The following ATP8A1 variants were observed in gnomAD, a reference collection of about 807,000 sequenced individuals.
ATP8A1 encodes the protein ATPase phospholipid transporting 8A1, also known as phospholipid-transporting ATPase IA.
In ATP8A1, 90 loss-of-function variants were observed where a neutral mutation model predicts 177.7. That is an observed-to-expected ratio of 0.51 (90% CI 0.43 to 0.60). The LOEUF is 0.60. ATP8A1 is among the 20% of genes least tolerant of loss of function. ATP8A1 has a pLI of 0.00. For synonymous variants in ATP8A1, 493 were observed against 485.9 expected, an observed-to-expected ratio of 1.01 and a Z score of -0.19; for missense variants, 1,072 against 1,392.8, an observed-to-expected ratio of 0.77 and a Z score of 3.67.
chr4:42,517,042 T>A (rs1725615331), intron 22 of ATP8A1, among the ~76,000 whole-genome samples: 1 of 152,192 alleles, frequency 6.6e-6, no homozygotes, highest in Non-Finnish European at 1.5e-5. Flanking sequence ...GGCTCAGGCC[T>A]GTAATCCCAG....
At chr4:42,541,794 C>T (rs1728416965) in intron 20 of ATP8A1, among the ~76,000 whole-genome samples, 1 of 152,118 alleles carries the variant, frequency 6.6e-6, no homozygotes, top group African/African-American at 2.4e-5. Context: ...ATCATTCTAA[C>T]TATATGACAT....
chr4:42,650,338 G>C (rs112659063), intron 1 of ATP8A1, among the ~76,000 whole-genome samples: 8 of 152,088 alleles, frequency 5.3e-5, no homozygotes, highest in African/African-American at 1.9e-4. Flanking sequence ...TTCTCACACA[G>C]TGCCACTTCA....
chr4:42,420,617 A>G (rs1326073554), intron 35 of ATP8A1, among the ~76,000 whole-genome samples: 2 of 152,204 alleles, frequency 1.3e-5, no homozygotes, highest in African/African-American at 4.8e-5. Flanking sequence ...CAAAAAGACA[A>G]ACTAAGTATC....
Position 42,586,461 on chromosome 4 carries a change from AT to A in ATP8A1, c.609del (p.Ser204GlnfsTer9). On this transcript the variant is annotated frameshift_variant, in exon 9 of 37. Coordinates refer to ENST00000381668, the MANE Select transcript of ATP8A1 (RefSeq NM_006095.2). LOFTEE classifies it high-confidence loss of function. Reference protein sequence around the residue: ...NLKIRQGLPATSDIKDVDSLM... With the variant: ...NLKIRQGLPAXSDIKDVDSLM... ...AAACTGTCAACGTCTTTGATATCTG[AT>A]GTTGCTGGTAAGCCCTGTTTGGAAT... The A allele has an allele frequency of 6.2e-7, 1 of 1,614,040 alleles. No homozygotes were observed. The highest frequency in any genetic ancestry group is 8.5e-7 in the Non-Finnish European group (1 of 1,179,966).
At position 42,550,386 on chromosome 4, in the gene ATP8A1, C is replaced by G. The variant is rs1729385910; in HGVS notation, c.1602+812G>C. Among the ~76,000 whole-genome samples the G allele has an allele frequency of 3.3e-5, 5 of 152,150 alleles. No homozygotes were observed. The South Asian group carries it at 1.0e-3, about 32-fold the overall frequency. Reference sequence around the variant, plus strand: ...TGGTTTGGTTTCTAGTTTTTGGCTACTCTGAATAAAGCTGATAGGAGCATT... The same window carrying G: ...TGGTTTGGTTTCTAGTTTTTGGCTAGTCTGAATAAAGCTGATAGGAGCATT... On this transcript the variant is annotated intron_variant, in intron 18 of 36. Coordinates refer to ENST00000381668, the MANE Select transcript of ATP8A1 (RefSeq NM_006095.2).
At chr4:42,451,878 T>A in intron 30 of ATP8A1, 103 bp downstream of exon 30, 1 of 788,774 alleles carries the variant, frequency 1.3e-6, no homozygotes, top group Non-Finnish European at 1.9e-6. Flanking sequence ...AAGAGAAATA[T>A]CATACAATGA....
intron 25 of ATP8A1, chr4:42,472,271 A>C: frequency 1.8e-6 from 1 of 554,956 alleles, no homozygotes; most frequent in East Asian, 4.7e-5. Flanking sequence ...GTTCATTTGG[A>C]CAAAGCATAG....
rs1712947052 is a variant in ATP8A1, at chr4:42,414,069, TA to T, written c.3397+557del. 4.3e-5 allele frequency among the ~76,000 whole-genome samples: 5 copies of T among 117,326 alleles called. No homozygotes were observed. The South Asian group carries it at 1.2e-3, about 29-fold the overall frequency. The allele number at this position is 117,326 out of a possible 152,430, so 77.0% of individuals were successfully genotyped here. A position where few individuals can be genotyped will look rare whatever the true frequency, so the allele number is the denominator to read the frequency against. The stretch of plus-strand genomic sequence containing the variant: ...CAAAAGCATTAGACATGAGTATACG[TA>T]AGTGAAAATAAATTATAAGTGGAAA... On this transcript the variant is annotated intron_variant, in intron 36 of 36. Transcript: ENST00000381668.
At chr4:42,577,717 A>G (rs73167529) in intron 12 of ATP8A1, among the ~76,000 whole-genome samples, 207 of 152,288 alleles carry the variant, frequency 1.4e-3, no homozygotes, top group African/African-American at 4.8e-3. Context: ...ATGAAGAAAA[A>G]TTCAAGTGAA....
intron 27 of ATP8A1, 143 bp from the exon 28 acceptor site, chr4:42,455,742 GT>G: frequency 1.3e-6 from 1 of 762,336 alleles, no homozygotes; most frequent in Non-Finnish European, 2.1e-6. Context: ...CATTTCTTTG[GT>G]TTACTTTCTG....
intron 13 of ATP8A1, among the ~76,000 whole-genome samples, chr4:42,575,324 A>G (rs567490441): frequency 6.6e-6 from 1 of 152,360 alleles, no homozygotes; most frequent in East Asian, 1.9e-4. Flanking sequence ...GAACAATTCT[A>G]AAACTACGTT....
chr4:42,442,991 T>C (rs554279027), intron 33 of ATP8A1, among the ~76,000 whole-genome samples: 1 of 152,208 alleles, frequency 6.6e-6, no homozygotes, highest in Non-Finnish European at 1.5e-5. Flanking sequence ...CATGAACACC[T>C]AATAACTCAA....
At chr4:42,568,298 T>C (rs1472830950) in intron 15 of ATP8A1, among the ~76,000 whole-genome samples, 1 of 152,226 alleles carries the variant, frequency 6.6e-6, no homozygotes, top group Non-Finnish European at 1.5e-5. Flanking sequence ...AATATTTAAA[T>C]GATGTTATTC....
intron 27 of ATP8A1, among the ~76,000 whole-genome samples, chr4:42,460,078 ACTGCGCCTGGC>A (rs1178866789): frequency 3.3e-5 from 5 of 152,204 alleles, no homozygotes; most frequent in African/African-American, 1.2e-4. Context: ...GGCGTGAGCC[ACTGCGCCTGGC>A]CTGTATTAGG....
intron 24 of ATP8A1, among the ~76,000 whole-genome samples, chr4:42,493,401 T>G (rs1434626007): frequency 6.6e-6 from 1 of 152,136 alleles, no homozygotes; most frequent in Non-Finnish European, 1.5e-5. Context: ...AAACAGGAAA[T>G]AATAAATAGT....
At chr4:42,546,831 C>G (rs1046936144) in intron 19 of ATP8A1, among the ~76,000 whole-genome samples, 2 of 152,172 alleles carry the variant, frequency 1.3e-5, no homozygotes, top group African/African-American at 4.8e-5. Context: ...TTTGAATCCT[C>G]TTCTCCTGGC....
At chr4:42,414,024 G>T (rs1412812844) in intron 36 of ATP8A1, among the ~76,000 whole-genome samples, 3 of 152,212 alleles carry the variant, frequency 2.0e-5, no homozygotes, top group African/African-American at 7.2e-5. Flanking sequence ...TTTAGAAAAG[G>T]CCTCTTGAAG....
At chr4:42,503,792 T>C (rs1206152993) in intron 23 of ATP8A1, among the ~76,000 whole-genome samples, 1 of 152,182 alleles carries the variant, frequency 6.6e-6, no homozygotes, top group African/African-American at 2.4e-5. Context: ...CAAATGGATT[T>C]GTAATACACT....
chr4:42,450,051 G>A (rs1050409730), intron 30 of ATP8A1, among the ~76,000 whole-genome samples: 1 of 152,012 alleles, frequency 6.6e-6, no homozygotes, highest in Non-Finnish European at 1.5e-5. Context: ...CTGAGGTCAG[G>A]GTATCTTGAA....
Sources: allele counts gnomAD v4.1 joint callset (sites outside exome capture counted in the v4.1 genomes callset), GRCh38; gene constraint gnomAD v4.1.1; transcripts MANE v1.5; gene names NCBI Gene and HGNC (gene_info 2026-07-23, HGNC 2026-07-21).